SNTG1: variants seen among roughly 807,000 people sequenced by gnomAD.
SNTG1 encodes the protein gamma-1-syntrophin.
SNTG1 carries 39 observed loss-of-function variants against 74.7 expected under a neutral mutation model. That is an observed-to-expected ratio of 0.52 (90% confidence interval 0.40 to 0.68). The LOEUF is 0.68. Ranked by LOEUF, SNTG1 falls within the 30% of genes least tolerant of loss-of-function variation. The pLI is 0.00. For missense variants in SNTG1, 685 were observed against 609.5 expected (o/e 1.12, Z -1.30); for synonymous variants, 254 against 217.1 (o/e 1.17, Z -1.49).
chr8:50,526,603 A>G (rs541676861), intron 9 of SNTG1, among the ~76,000 whole-genome samples: 72 of 149,564 alleles, frequency 4.8e-4, no homozygotes, highest in South Asian at 2.8e-3. Flanking sequence ...CAGCATATAT[A>G]TGTGTGTGTG....
chr8:50,160,669 C>T (rs1050082972), intron 1 of SNTG1, among the ~76,000 whole-genome samples: 1 of 152,072 alleles, frequency 6.6e-6, no homozygotes, highest in African/African-American at 2.4e-5. Context: ...TTTCTGAAAT[C>T]TCCCTTAGAA....
At chr8:50,678,779 C>T (rs758907388) in intron 15 of SNTG1, among the ~76,000 whole-genome samples, 107 of 151,982 alleles carry the variant, frequency 7.0e-4, no homozygotes, top group Non-Finnish European at 1.0e-3. Context: ...TCAAAATTGA[C>T]GTTGTTCATA....
At chr8:50,340,305 A>G (rs1213210076) in intron 2 of SNTG1, among the ~76,000 whole-genome samples, 3 of 152,006 alleles carry the variant, frequency 2.0e-5, no homozygotes, top group Admixed American at 6.5e-5. Flanking sequence ...AAGAACTGAC[A>G]CTATCTTATC....
intron 12 of SNTG1, among the ~76,000 whole-genome samples, chr8:50,589,606 A>G (rs186957235): frequency 6.7e-6 from 1 of 150,104 alleles, no homozygotes; most frequent in Non-Finnish European, 1.5e-5. Flanking sequence ...AAAAAAAAAC[A>G]TTGCAGTTTA....
intron 18 of SNTG1, among the ~76,000 whole-genome samples, chr8:50,775,320 C>T: frequency 6.6e-6 from 1 of 151,556 alleles, no homozygotes; most frequent in East Asian, 1.9e-4. Context: ...AGAACACCTG[C>T]ATCCTGATCC....
In SNTG1 at chr8:49,933,852, C is replaced by T. The variant is rs868812756; in HGVS notation, c.-103+21621C>T. Among the ~76,000 whole-genome samples the T allele has an allele frequency of 3.3e-5, 5 of 152,182 alleles. No homozygotes were observed. The South Asian group carries it at 6.2e-4, about 19-fold the overall frequency. On this transcript the variant is annotated intron_variant, in intron 1 of 18. Transcript: ENST00000642720. ...TGTGATGCATATTTATTGGTAACCT[C>T]CTGGACTTGGTTGTGGAGGTTTGGC...
chr8:49,916,393 T>A (rs1418458328), intron 1 of SNTG1, among the ~76,000 whole-genome samples: 2 of 152,186 alleles, frequency 1.3e-5, no homozygotes, highest in Non-Finnish European at 2.9e-5. Flanking sequence ...CTGAATTTGG[T>A]CTTCAATTTG....
intron 8 of SNTG1, among the ~76,000 whole-genome samples, chr8:50,460,715 A>G (rs2093553217): frequency 6.6e-6 from 1 of 152,046 alleles, no homozygotes; most frequent in East Asian, 1.9e-4. Flanking sequence ...CTAGCTAGCT[A>G]TTCTAGCACC....
intron 2 of SNTG1, among the ~76,000 whole-genome samples, chr8:50,193,475 C>T (rs894136376): frequency 2.0e-5 from 3 of 151,952 alleles, no homozygotes; most frequent in South Asian, 2.1e-4. Context: ...TCCACTTGGT[C>T]GCTGTTGGTA....
intron 11 of SNTG1, among the ~76,000 whole-genome samples, chr8:50,545,724 T>G (rs1185401703): frequency 1.3e-5 from 2 of 152,068 alleles, no homozygotes; most frequent in Non-Finnish European, 2.9e-5. Context: ...AATTCTCAAA[T>G]GACAGTAGAA....
rs190973433 is a variant in SNTG1 at position 49,958,523 on chromosome 8, G to A, written c.-103+46292G>A. Reference sequence around the variant, plus strand: ...TGCAACCTCCACCTCCAGGGTTCAAGCAGTTCTCTGCCTCAGCCTCCCAAG... The same window carrying A: ...TGCAACCTCCACCTCCAGGGTTCAAACAGTTCTCTGCCTCAGCCTCCCAAG... On this transcript the variant is annotated intron_variant, in intron 1 of 18. Transcript: ENST00000642720. 5.4e-3 allele frequency among the ~76,000 whole-genome samples: 815 copies of A among 151,802 alleles called. 11 individuals are homozygous for A. Among genetic ancestry groups the A allele is most frequent in the African/African-American group, 0.019 (769 of 41,380 alleles).
At chr8:50,157,044 G>A (rs192571745) in intron 1 of SNTG1, among the ~76,000 whole-genome samples, 1 of 152,078 alleles carries the variant, frequency 6.6e-6, no homozygotes, top group East Asian at 1.9e-4. Flanking sequence ...TAAGCAAATG[G>A]TTTTATATTT....
intron 2 of SNTG1, among the ~76,000 whole-genome samples, chr8:50,355,854 C>A (rs1563935392): frequency 6.6e-6 from 1 of 152,132 alleles, no homozygotes; most frequent in Non-Finnish European, 1.5e-5. Flanking sequence ...GCTTCTGATT[C>A]TTTGCTGTGA....
intron 1 of SNTG1, among the ~76,000 whole-genome samples, chr8:50,156,169 T>C (rs1396341892): frequency 6.6e-6 from 1 of 152,094 alleles, no homozygotes; most frequent in Non-Finnish European, 1.5e-5. Context: ...CCAGGTACAG[T>C]TGGCTTCATT....
At chr8:50,545,370 T>G (rs2623208) in intron 11 of SNTG1, among the ~76,000 whole-genome samples, 33,068 of 151,030 alleles carry the variant, frequency 0.22, 4,722 homozygotes, top group African/African-American at 0.4. Context: ...GAATAAGAGA[T>G]AAAGATTGTT....
intron 17 of SNTG1, among the ~76,000 whole-genome samples, chr8:50,744,843 C>T (rs1248876814): frequency 3.3e-5 from 5 of 151,890 alleles, no homozygotes; most frequent in Non-Finnish European, 5.9e-5. Flanking sequence ...AAACAAAATA[C>T]TCACCTGCAA....
chr8:49,977,330 C>T (rs1190998154), intron 1 of SNTG1, among the ~76,000 whole-genome samples: 1 of 151,686 alleles, frequency 6.6e-6, no homozygotes, highest in African/African-American at 2.4e-5. Context: ...AATGTAGGGA[C>T]TGTGCTTTTT....
intron 2 of SNTG1, among the ~76,000 whole-genome samples, chr8:50,388,996 C>A (rs1437588243): frequency 6.6e-6 from 1 of 152,000 alleles, no homozygotes; most frequent in African/African-American, 2.4e-5. Flanking sequence ...TTCTGTGGGT[C>A]ATATAAGAAG....
intron 1 of SNTG1, among the ~76,000 whole-genome samples, chr8:49,976,129 C>G (rs1294040522): frequency 6.6e-6 from 1 of 152,076 alleles, no homozygotes; most frequent in African/African-American, 2.4e-5. Context: ...CAATATTCAT[C>G]CAGAGGTACC....
Sources: gnomAD v4.1 joint callset for allele counts (sites outside exome capture counted in the v4.1 genomes callset) on GRCh38, gnomAD v4.1.1 for gene constraint, MANE v1.5 for transcripts, NCBI Gene and HGNC (gene_info 2026-07-23, HGNC 2026-07-21) for gene names.